Variants in DOCK5 observed in about 807,000 individuals in gnomAD.
DOCK5 encodes the protein dedicator of cytokinesis protein 5.
In DOCK5, 142 loss-of-function variants were observed where a neutral mutation model predicts 251.8. That is an observed-to-expected ratio of 0.56 (90% confidence interval 0.49 to 0.65). DOCK5 has a LOEUF of 0.65. Ranked by LOEUF, DOCK5 falls within the 30% of genes least tolerant of loss-of-function variation. DOCK5 has a pLI of 0.00. For synonymous variants in DOCK5, 842 were observed against 835.5 expected, an observed-to-expected ratio of 1.01 and a Z score of -0.13; for missense variants, 2,111 against 2,312.3, an observed-to-expected ratio of 0.91 and a Z score of 1.79.
chr8:25,349,207 G>C (rs1332575446), intron 26 of DOCK5, among the ~76,000 whole-genome samples: 1 of 152,200 alleles, frequency 6.6e-6, no homozygotes, highest in Non-Finnish European at 1.5e-5. Flanking sequence ...AAAAACAATA[G>C]ATGTGGGCAT....
chr8:25,368,395 A>C (rs144641331), intron 32 of DOCK5, 145 bp downstream of exon 32: 2 of 1,083,230 alleles, frequency 1.8e-6, no homozygotes, highest in East Asian at 2.6e-5. Flanking sequence ...TGTGGGTTTC[A>C]TTGACAATGA....
intron 2 of DOCK5, among the ~76,000 whole-genome samples, chr8:25,266,915 T>C (rs1226070974): frequency 6.6e-6 from 1 of 152,202 alleles, no homozygotes; most frequent in Non-Finnish European, 1.5e-5. Context: ...CAAAATACTG[T>C]TTACAAACGT....
intron 33 of DOCK5, among the ~76,000 whole-genome samples, 160 bp from the exon 34 acceptor site, chr8:25,369,396 G>A (rs1450829170): frequency 6.6e-6 from 1 of 152,122 alleles, no homozygotes; most frequent in East Asian, 1.9e-4. Context: ...ATTTTGATAG[G>A]GCCTTGGTGC....
At chr8:25,241,691 A>G (rs1212223187) in intron 1 of DOCK5, among the ~76,000 whole-genome samples, 1 of 152,152 alleles carries the variant, frequency 6.6e-6, no homozygotes, top group African/African-American at 2.4e-5. Context: ...TACTATAAAG[A>G]CACATGCACA....
intron 1 of DOCK5, among the ~76,000 whole-genome samples, chr8:25,207,483 T>C (rs1299410429): frequency 6.6e-6 from 1 of 152,202 alleles, no homozygotes. Flanking sequence ...ATGCAGCTGG[T>C]GACTTTAAAT....
At chr8:25,374,869 A>G (rs988387828) in intron 37 of DOCK5, 3 of 1,381,734 alleles carry the variant, frequency 2.2e-6, no homozygotes, top group Admixed American at 5.8e-5. Context: ...CTTAGAAAGC[A>G]GAGCACGACT....
At chr8:25,291,486 C>T (rs963649956) in intron 5 of DOCK5, among the ~76,000 whole-genome samples, 2 of 149,682 alleles carry the variant, frequency 1.3e-5, no homozygotes, top group African/African-American at 4.9e-5. Flanking sequence ...AGTTCGAGAC[C>T]AGCCTGGCCA....
At chr8:25,267,949 G>A (rs370657299) in intron 2 of DOCK5, among the ~76,000 whole-genome samples, 168 of 151,446 alleles carry the variant, frequency 1.1e-3, no homozygotes, top group African/African-American at 3.9e-3. Context: ...TGCAACCTCC[G>A]CCTCCCAGGT....
chr8:25,395,486 C>T (rs1801329854), intron 44 of DOCK5, 57 bp from the exon 45 acceptor site: 1 of 1,552,468 alleles, frequency 6.4e-7, no homozygotes, highest in Admixed American at 2.1e-5. Flanking sequence ...AAACTTTTTT[C>T]AGTCTTTACT....
chr8:25,214,803 C>T (rs899656206), intron 1 of DOCK5, among the ~76,000 whole-genome samples: 3 of 152,168 alleles, frequency 2.0e-5, no homozygotes, highest in South Asian at 2.1e-4. Context: ...GGTTGTGACA[C>T]GCGAGAGAGC....
At chr8:25,372,484 C>CT in intron 34 of DOCK5, 75 bp from the exon 35 acceptor site, 1 of 1,430,798 alleles carries the variant, frequency 7.0e-7, no homozygotes, top group Non-Finnish European at 9.2e-7. Context: ...TGCTGAGACC[C>CT]TGGTCAGTGC....
At chr8:25,362,914 C>G in intron 28 of DOCK5, 133 bp from the exon 29 acceptor site, 1 of 668,940 alleles carries the variant, frequency 1.5e-6, no homozygotes, top group Non-Finnish European at 2.6e-6. Flanking sequence ...TCCTAAAACC[C>G]TTGAAAGATG....
intron 1 of DOCK5, among the ~76,000 whole-genome samples, chr8:25,203,053 A>G (rs1801917097): frequency 6.6e-6 from 1 of 152,210 alleles, no homozygotes; most frequent in Non-Finnish European, 1.5e-5. Flanking sequence ...GCTTGATAAG[A>G]GTGCTACCAA....
intron 1 of DOCK5, among the ~76,000 whole-genome samples, chr8:25,206,804 T>C (rs1802012289): frequency 6.6e-6 from 1 of 152,208 alleles, no homozygotes; most frequent in Admixed American, 6.5e-5. Flanking sequence ...ACCAATATGT[T>C]TTGCCACAGG....
chr8:25,249,305 G>A (rs1803204846), intron 2 of DOCK5, among the ~76,000 whole-genome samples: 2 of 152,008 alleles, frequency 1.3e-5, no homozygotes, highest in Non-Finnish European at 2.9e-5. Context: ...CTGGCCTTGT[G>A]GGTTTTTTTG....
At chr8:25,300,757 A>G in intron 9 of DOCK5, 100 bp downstream of exon 9, 1 of 1,255,466 alleles carries the variant, frequency 8.0e-7, no homozygotes, top group South Asian at 1.5e-5. Context: ...AGATGAAAGG[A>G]AAAATCATCA....
At position 25,298,937 on chromosome 8, in the gene DOCK5, T is replaced by C. The variant is rs532834062; in HGVS notation, c.607-7T>C. On this transcript the variant is annotated splice_polypyrimidine_tract_variant and splice_region_variant and intron_variant, in intron 7 of 51. Coordinates refer to ENST00000276440, the MANE Select transcript of DOCK5 (RefSeq NM_024940.8). ...AAGATGTTTTTCTCTGTTCCCTCTT[T>C]GTTCAGTCAATCCTGCAGAACCTCG... The C allele has an allele frequency of 1.3e-6, 2 of 1,599,492 alleles. No individual in the cohort carries two copies. The highest frequency in any genetic ancestry group is 1.7e-6 in the Non-Finnish European group (2 of 1,175,088).
intron 1 of DOCK5, among the ~76,000 whole-genome samples, chr8:25,185,855 T>C (rs764351443): frequency 6.6e-6 from 1 of 152,184 alleles, no homozygotes; most frequent in Non-Finnish European, 1.5e-5. Flanking sequence ...TTATCAAGGA[T>C]TGAAGTTATT....
chr8:25,284,424 G>A (rs187594199), intron 5 of DOCK5, among the ~76,000 whole-genome samples: 292 of 152,354 alleles, frequency 1.9e-3, no homozygotes, highest in African/African-American at 6.8e-3. Flanking sequence ...ATGTAAGGGT[G>A]CAGTTGCCCA....
Sources: gnomAD v4.1 joint callset for allele counts (sites outside exome capture counted in the v4.1 genomes callset) on GRCh38, gnomAD v4.1.1 for gene constraint, MANE v1.5 for transcripts, NCBI Gene and HGNC (gene_info 2026-07-23, HGNC 2026-07-21) for gene names.